Variants in EDNRB observed in about 807,000 individuals in gnomAD.
EDNRB encodes the protein endothelin receptor type B.
A neutral mutation model predicts 46.4 loss-of-function variants in EDNRB; 18 were observed. That is an observed-to-expected ratio of 0.39 (90% CI 0.27 to 0.57). EDNRB has a LOEUF of 0.57. Ranked by LOEUF, EDNRB falls within the 20% of genes least tolerant of loss-of-function variation. The probability of loss-of-function intolerance (pLI) is 0.61; values close to 1 mark genes in which losing one functional copy is unlikely to be tolerated. For missense variants in EDNRB, 434 were observed against 537.5 expected, an observed-to-expected ratio of 0.81 and a Z score of 1.90; for synonymous variants, 213 against 204.9, an observed-to-expected ratio of 1.04 and a Z score of -0.34.
upstream of EDNRB, chr13:77,919,121 C>T: frequency 2.0e-6 from 1 of 498,392 alleles, no homozygotes; most frequent in Non-Finnish European, 3.3e-6. Flanking sequence ...TACTCCCTGG[C>T]TGGCTGAGCT....
Position 77,918,697 on chromosome 13 carries a change from T to C in EDNRB, c.-124A>G, listed in dbSNP as rs1879951006. 1 of 1,400,792 alleles carries C rather than the reference T, an allele frequency of 7.1e-7. No homozygotes were observed. Among genetic ancestry groups the C allele is most frequent in the Admixed American group, 3.1e-5 (1 of 31,800 alleles). The allele number at this position is 1,400,792 out of a possible 1,614,324, so 86.8% of individuals were successfully genotyped here. ...CGAGCCAAGTCGCTGCAAACGCTAA[T>C]ACCGCCCGCAGCCTCTTCGCCAGTA... On this transcript the variant is annotated 5_prime_UTR_variant, in exon 1 of 7. Coordinates refer to ENST00000646607, the MANE Select transcript of EDNRB (RefSeq NM_001122659.3). The surrounding 1 kb of genome is among the most constrained non-coding windows in gnomAD (Gnocchi z 4.5).
At chr13:77,922,348 G>A (rs1880109897), upstream of EDNRB, among the ~76,000 whole-genome samples, 1 of 152,144 alleles carries the variant, frequency 6.6e-6, no homozygotes, top group African/African-American at 2.4e-5. Context: ...TCTCAAAGAG[G>A]TTTGCCATGG....
chr13:77,975,056 A>C (rs1479202564), intron 1 of EDNRB, among the ~76,000 whole-genome samples: 2 of 152,172 alleles, frequency 1.3e-5, no homozygotes, highest in African/African-American at 4.8e-5. Flanking sequence ...AATCAAAACC[A>C]AAATCAGAGT....
intron 1 of EDNRB, among the ~76,000 whole-genome samples, chr13:77,933,016 C>G (rs9318502): frequency 0.54 from 82,000 of 152,040 alleles, 22,941 homozygotes; most frequent in Non-Finnish European, 0.63. Context: ...AAATTTCCCT[C>G]GTGCTGTGTT....
intron 1 of EDNRB, among the ~76,000 whole-genome samples, chr13:77,964,091 C>G (rs541232803): frequency 3.9e-4 from 60 of 152,222 alleles, no homozygotes; most frequent in East Asian, 2.7e-3. Flanking sequence ...ACACCAGTTA[C>G]AATGGCAATC....
chr13:77,899,624 A>G, intron 6 of EDNRB: 1 of 458,008 alleles, frequency 2.2e-6, no homozygotes, highest in Non-Finnish European at 4.0e-6. Flanking sequence ...CAACAATTCC[A>G]TGAGTGTAAC....
chr13:77,949,088 C>T (rs1379477562), intron 1 of EDNRB, among the ~76,000 whole-genome samples: 1 of 152,088 alleles, frequency 6.6e-6, no homozygotes, highest in East Asian at 1.9e-4. Context: ...TAAGGCACTT[C>T]AGGATTAAGA....
chr13:77,929,949 A>G (rs1178233700), intron 1 of EDNRB, among the ~76,000 whole-genome samples: 1 of 152,194 alleles, frequency 6.6e-6, no homozygotes, highest in Non-Finnish European at 1.5e-5. Flanking sequence ...TTACTAATAT[A>G]TGTTCTGGTT....
At chr13:77,934,681 G>T (rs909427706) in intron 1 of EDNRB, among the ~76,000 whole-genome samples, 20 of 33,932 alleles carry the variant, frequency 5.9e-4, no homozygotes, top group Middle Eastern at 0.01. Context: ...TGTAGGAAAG[G>T]GGGGGGGGGG....
chr13:77,971,455 C>T (rs915843516), intron 1 of EDNRB, among the ~76,000 whole-genome samples: 2 of 152,150 alleles, frequency 1.3e-5, no homozygotes, highest in Admixed American at 6.5e-5. Context: ...GAGAGATAGG[C>T]CACTGGCCTT....
rs1477913151 is a variant in EDNRB, at chr13:77,896,581, A to T, written c.*1619T>A. The T allele has an allele frequency of 1.9e-6, 3 of 1,546,476 alleles. No homozygotes were observed. The Admixed American group carries it at 5.9e-5, about 31-fold the overall frequency. ...AGCCTATTAAAAGAAAAACAAAGTAAAAATTTGGGCATATTTTAAGACCGA... is the reference window on the plus strand; with the variant it reads ...AGCCTATTAAAAGAAAAACAAAGTATAAATTTGGGCATATTTTAAGACCGA... On this transcript the variant is annotated 3_prime_UTR_variant, in exon 7 of 7. Coordinates refer to ENST00000646607, the MANE Select transcript of EDNRB (RefSeq NM_001122659.3).
At chr13:77,898,709 T>C (rs3027096) in intron 6 of EDNRB, among the ~76,000 whole-genome samples, 85,452 of 151,756 alleles carry the variant, frequency 0.56, 24,427 homozygotes, top group Non-Finnish European at 0.62. Flanking sequence ...TATATGTGCA[T>C]GTGCTGGAGA....
chr13:77,900,388 A>G, intron 5 of EDNRB, 133 bp downstream of exon 5: 1 of 1,270,364 alleles, frequency 7.9e-7, no homozygotes, highest in East Asian at 2.4e-5. Context: ...ACCTCAGATA[A>G]AAATTGGGAG....
intron 1 of EDNRB, among the ~76,000 whole-genome samples, chr13:77,949,122 A>G (rs1881015628): frequency 6.6e-6 from 1 of 152,228 alleles, no homozygotes; most frequent in Non-Finnish European, 1.5e-5. Context: ...AATGAGTGAC[A>G]ATATACAGTC....
intron 1 of EDNRB, among the ~76,000 whole-genome samples, chr13:77,949,857 C>G (rs576812460): frequency 6.6e-6 from 1 of 152,244 alleles, no homozygotes; most frequent in South Asian, 2.1e-4. Context: ...GAGAAACTTC[C>G]TTAACCTTCC....
chr13:77,906,080 C>A (rs9600948), intron 1 of EDNRB, among the ~76,000 whole-genome samples: 1 of 151,872 alleles, frequency 6.6e-6, no homozygotes, highest in Non-Finnish European at 1.5e-5. Context: ...CTGTGAAGAG[C>A]GGGTTATAGG....
intron 1 of EDNRB, among the ~76,000 whole-genome samples, chr13:77,930,887 T>C (rs2137653734): frequency 6.9e-6 from 1 of 144,412 alleles, no homozygotes; most frequent in East Asian, 2.7e-4. Context: ...CCAGTGGAAT[T>C]TGTAGCACTA....
chr13:77,960,315 C>T (rs1046570657), intron 1 of EDNRB, among the ~76,000 whole-genome samples: 12 of 152,268 alleles, frequency 7.9e-5, no homozygotes, highest in African/African-American at 2.6e-4. Flanking sequence ...CAAAGGAAAG[C>T]CCATCAGACT....
At chr13:77,957,599 T>A (rs1039353356) in intron 1 of EDNRB, among the ~76,000 whole-genome samples, 2 of 152,250 alleles carry the variant, frequency 1.3e-5, no homozygotes, top group Non-Finnish European at 2.9e-5. Context: ...TCATAAGAAT[T>A]AAATTTTATA....
Sources: allele counts gnomAD v4.1 joint callset (sites outside exome capture counted in the v4.1 genomes callset), GRCh38; gene constraint gnomAD v4.1.1; non-coding constraint Gnocchi (gnomAD v3.1); transcripts MANE v1.5; gene names NCBI Gene and HGNC (gene_info 2026-07-23, HGNC 2026-07-21).